Variants in GCNT1 observed in about 807,000 individuals in gnomAD.
GCNT1 encodes the protein glucosaminyl (N-acetyl) transferase 1.
GCNT1 carries 16 observed loss-of-function variants against 26.2 expected under a neutral mutation model. The ratio of observed to expected loss-of-function variants is 0.61; its 90% CI spans 0.41 to 0.93. GCNT1 has a LOEUF of 0.93. GCNT1 is among the 40% of genes least tolerant of loss of function. GCNT1 has a pLI of 0.00. For synonymous variants in GCNT1, 183 were observed against 190.8 expected (o/e 0.96, Z 0.34); for missense variants, 477 against 526.7 (o/e 0.91, Z 0.92).
chr9:76,450,411 C>A (rs1158956714), intron 1 of GCNT1, among the ~76,000 whole-genome samples: 2 of 152,070 alleles, frequency 1.3e-5, no homozygotes, highest in Non-Finnish European at 2.9e-5. Flanking sequence ...ATTCTGAAAT[C>A]TTTGTGTATT....
intron 1 of GCNT1, among the ~76,000 whole-genome samples, chr9:76,420,874 G>A (rs1823180807): frequency 6.8e-6 from 1 of 146,574 alleles, no homozygotes; most frequent in African/African-American, 2.5e-5. Context: ...AGAAGTTCAA[G>A]ATTGCAGTGA....
upstream of GCNT1, among the ~76,000 whole-genome samples, chr9:76,417,481 T>C (rs10869771): frequency 0.38 from 58,504 of 152,122 alleles, 11,941 homozygotes; most frequent in Non-Finnish European, 0.44. Context: ...AAGGAGTAAC[T>C]GGATAAGAAG....
rs1224974051 is a variant in GCNT1, at chr9:76,503,595, A to T, written c.1214A>T (p.Asp405Val). 5 of 1,614,202 alleles carry T rather than the reference A, an allele frequency of 3.1e-6. No homozygotes were observed. Among genetic ancestry groups the T allele is most frequent in the Middle Eastern group, 1.6e-4 (1 of 6,062 alleles). The change falls in exon 4 of 4, where the codon GAT becomes GTT. Residue 405 changes from aspartate to valine, a missense_variant. Transcript: ENST00000376730. ...HHLFANKFDV[D>V]VDLFAIQCLD... is the part of the protein sequence containing the mutation. ...TTGTTTGCCAATAAGTTTGACGTGG[A>T]TGTTGACCTCTTTGCCATCCAGTGT...
upstream of GCNT1, among the ~76,000 whole-genome samples, chr9:76,415,937 A>AAGC (rs1234992472): frequency 1.3e-5 from 2 of 152,156 alleles, no homozygotes; most frequent in African/African-American, 4.8e-5. Flanking sequence ...ACAGGGGCTG[A>AAGC]AGCAGCAGCC....
Position 76,502,611 on chromosome 9 carries a change from T to C in GCNT1, c.230T>C (p.Ile77Thr). Residue 77 changes from isoleucine to threonine, a missense_variant, in exon 4 of 4, where the codon ATC becomes ACC. By Grantham distance (89) the Ile-to-Thr change is moderately conservative. Transcript: ENST00000376730. ...VNEIQKVKLE[I>T]LTVKFKKRPR... ...GAAATCCAAAAGGTAAAGCTTGAGA[T>C]CCTAACAGTGAAATTTAAAAAGCGC... 4 of 1,613,806 alleles carry C rather than the reference T, an allele frequency of 2.5e-6. No individual in the cohort carries two copies. The highest frequency in any genetic ancestry group is 3.4e-6 in the Non-Finnish European group (4 of 1,179,852).
chr9:76,437,836 A>T (rs967494212), upstream of GCNT1, among the ~76,000 whole-genome samples: 1 of 152,252 alleles, frequency 6.6e-6, no homozygotes, highest in Non-Finnish European at 1.5e-5. Flanking sequence ...GAGCTTGATT[A>T]GGATTGGACA....
intron 2 of GCNT1, among the ~76,000 whole-genome samples, chr9:76,484,198 G>A (rs754685365): frequency 2.4e-4 from 36 of 152,262 alleles, no homozygotes; most frequent in Non-Finnish European, 4.4e-4. Context: ...TTTAAGTCCA[G>A]CTTGGGCATC....
At chr9:76,440,989 C>T (rs923511138), upstream of GCNT1, among the ~76,000 whole-genome samples, 5 of 147,504 alleles carry the variant, frequency 3.4e-5, no homozygotes, top group African/African-American at 5.0e-5. Flanking sequence ...TGCTTGAACC[C>T]GGGAGGCGGA....
At chr9:76,404,316 T>C in the GCNT1 span, among the ~76,000 whole-genome samples, 2 of 152,162 alleles carry the variant, frequency 1.3e-5, no homozygotes, top group African/African-American at 2.4e-5. Flanking sequence ...TATAAAATAA[T>C]ACAGCTACTT....
intron 1 of GCNT1, among the ~76,000 whole-genome samples, chr9:76,427,831 A>G (rs1227660668): frequency 6.6e-6 from 1 of 152,164 alleles, no homozygotes; most frequent in East Asian, 1.9e-4. Context: ...TACTAAAAGC[A>G]CAAAAATCAG....
rs1270658346 is a variant in GCNT1 at position 76,504,647 on chromosome 9, T to G, written c.*979T>G. On this transcript the variant is annotated 3_prime_UTR_variant, in exon 4 of 4. Transcript: ENST00000376730. ...CAATTTCCGATGCCCATGATGAGTT[T>G]AAAAACCAGCATTGACACCATCCCC... 4.8e-6 allele frequency: 2 copies of G among 412,482 alleles called. No individual in the cohort carries two copies. The highest frequency in any genetic ancestry group is 8.8e-6 in the Non-Finnish European group (2 of 225,996). 25.6% of individuals were successfully genotyped at this position (412,482 alleles called of 1,614,324 possible).
chr9:76,417,071 T>C (rs188588954), upstream of GCNT1, among the ~76,000 whole-genome samples: 1 of 152,230 alleles, frequency 6.6e-6, no homozygotes, highest in East Asian at 1.9e-4. Context: ...AAAAAGAAGA[T>C]ATGATAAAAA....
chr9:76,408,327 G>A, the GCNT1 span, among the ~76,000 whole-genome samples: 1 of 151,988 alleles, frequency 6.6e-6, no homozygotes, highest in Admixed American at 6.6e-5. Context: ...GTCATGAATG[G>A]GTATTGGTTT....
intron 1 of GCNT1, among the ~76,000 whole-genome samples, chr9:76,446,886 G>A (rs916427702): frequency 1.3e-5 from 2 of 152,118 alleles, no homozygotes; most frequent in Non-Finnish European, 2.9e-5. Context: ...TGGGCACAGT[G>A]GCTCATGCCT....
chr9:76,471,809 T>C (rs534728851), intron 2 of GCNT1, among the ~76,000 whole-genome samples: 3 of 152,314 alleles, frequency 2.0e-5, no homozygotes, highest in Non-Finnish European at 4.4e-5. Flanking sequence ...AGATTGGTCA[T>C]GCTCAGTAAT....
the GCNT1 span, among the ~76,000 whole-genome samples, chr9:76,413,069 C>G: frequency 2.0e-5 from 3 of 152,224 alleles, no homozygotes; most frequent in Non-Finnish European, 4.4e-5. Context: ...CTGTTGGCCC[C>G]ATGGGGCATG....
chr9:76,465,792 AGGT>A (rs1823980220), intron 2 of GCNT1, among the ~76,000 whole-genome samples: 1 of 152,206 alleles, frequency 6.6e-6, no homozygotes, highest in Admixed American at 6.5e-5. Context: ...ATCAGCAAGA[AGGT>A]GGTGATTATT....
At chr9:76,458,645 A>C (rs1426529894), upstream of GCNT1, among the ~76,000 whole-genome samples, 2 of 152,186 alleles carry the variant, frequency 1.3e-5, no homozygotes, top group African/African-American at 4.8e-5. Context: ...AGGGCGGGGA[A>C]GGTTTTTTCC....
intron 2 of GCNT1, among the ~76,000 whole-genome samples, chr9:76,463,860 A>G (rs1036258111): frequency 6.6e-6 from 1 of 152,032 alleles, no homozygotes; most frequent in Admixed American, 6.6e-5. Flanking sequence ...TTGAGGGGAG[A>G]GGGACTGTTC....
Sources: allele counts gnomAD v4.1 joint callset (sites outside exome capture counted in the v4.1 genomes callset), GRCh38; gene constraint gnomAD v4.1.1; transcripts MANE v1.5; gene names NCBI Gene and HGNC (gene_info 2026-07-23, HGNC 2026-07-21).